The following COL11A1 variants were observed in gnomAD, a reference collection of about 807,000 sequenced individuals.
The protein encoded by COL11A1 is collagen type XI alpha 1 chain.
A neutral mutation model predicts 265.2 loss-of-function variants in COL11A1; 74 were observed. The observed-to-expected ratio is 0.28, with a 90% CI of 0.23 to 0.34. The LOEUF (loss-of-function observed/expected upper bound fraction) is 0.34, where lower values mean the gene tolerates loss of function less well. COL11A1 is among the 10% of genes least tolerant of loss of function. COL11A1 has a pLI of 1.00. For missense variants in COL11A1, 2,165 were observed against 2,263.6 expected, an observed-to-expected ratio of 0.96 and a Z score of 0.88; for synonymous variants, 816 against 727.6, an observed-to-expected ratio of 1.12 and a Z score of -1.96.
intron 54 of COL11A1, among the ~76,000 whole-genome samples, chr1:102,905,047 A>G (rs1400088979): frequency 3.9e-5 from 6 of 152,148 alleles, no homozygotes; most frequent in Admixed American, 2.6e-4. Context: ...GCAGCCATAA[A>G]AAATGATGAG....
rs776443673 is a variant in COL11A1 at position 102,890,453 on chromosome 1, T to G, written c.4354A>C (p.Lys1452Gln). The change falls in exon 58 of 67, where the codon AAG (lysine) becomes CAG (glutamine). Residue 1452 changes from lysine (K) to glutamine (Q), a missense_variant and splice_region_variant. Lys to Gln is a moderately conservative substitution (Grantham distance 53, BLOSUM62 1). Transcript: ENST00000370096. ...LKGDPGSKGE[K>Q]GHPGLIGLIG... ...ATAACACATTCTTTTATTCTCACCT[T>G]TTCACCCTTGGAGCCAGGGTCACCT... 6.2e-7 allele frequency: 1 copy of G among 1,608,486 alleles called. No homozygotes were observed. Among genetic ancestry groups the G allele is most frequent in the South Asian group, 1.1e-5 (1 of 90,366 alleles).
chr1:103,055,709 T>A (rs1207055398), intron 4 of COL11A1, among the ~76,000 whole-genome samples: 3 of 152,302 alleles, frequency 2.0e-5, no homozygotes, highest in African/African-American at 7.2e-5. Context: ...AACAAATTCA[T>A]AAACTTTCTT....
intron 36 of COL11A1, among the ~76,000 whole-genome samples, chr1:102,972,331 T>C (rs1168196955): frequency 6.6e-6 from 1 of 152,136 alleles, no homozygotes; most frequent in Non-Finnish European, 1.5e-5. Flanking sequence ...TCATATTTGC[T>C]GACATAGATA....
chr1:102,939,076 C>T lies in COL11A1; in HGVS notation c.3397G>A (p.Glu1133Lys). The change falls in exon 44 of 67, where the codon GAG (glutamate) becomes AAG (lysine). Residue 1133 changes from glutamate to lysine, a missense_variant. By Grantham distance (56) the Glu-to-Lys change is moderately conservative (BLOSUM62 1). Transcript: ENST00000370096. ...GEDGDKGEIG[E>K]PGQKGSKGDK... Reference sequence around the variant, plus strand: ...CCCTTGCTGCCTTTTTGTCCCGGCTCACCAATTTCACCCTGAAATTGAAAG... The same window carrying T: ...CCCTTGCTGCCTTTTTGTCCCGGCTTACCAATTTCACCCTGAAATTGAAAG... 6.2e-7 allele frequency: 1 copy of T among 1,613,670 alleles called. No individual in the cohort carries two copies. Among genetic ancestry groups the T allele is most frequent in the Non-Finnish European group, 8.5e-7 (1 of 1,179,784 alleles).
In COL11A1 at chr1:102,996,018, T is replaced by C. The variant is rs1190680048; in HGVS notation, c.2266A>G (p.Ile756Val). The change falls in exon 27 of 67, where the codon ATT becomes GTT. Residue 756 changes from isoleucine to valine, a missense_variant. Transcript: ENST00000370096. ...ALGPPGPQGP[I>V]GYPGPRGVKG... The stretch of plus-strand genomic sequence containing the variant: ...ACTCCCCGGGGGCCCGGGTATCCAA[T>C]AGGACCTTGTGGACCAGGGGGACCC... 4 of 1,613,190 alleles carry C rather than the reference T, an allele frequency of 2.5e-6. No homozygotes were observed. The highest frequency in any genetic ancestry group is 1.7e-5 in the Admixed American group (1 of 59,894).
intron 1 of COL11A1, among the ~76,000 whole-genome samples, chr1:103,096,472 G>A (rs1256561629): frequency 6.6e-6 from 1 of 151,956 alleles, no homozygotes; most frequent in African/African-American, 2.4e-5. Flanking sequence ...CAGGTTTCAG[G>A]AGAGGAGTTC....
At position 103,082,874 on chromosome 1, in the gene COL11A1, C is replaced by A. The variant is rs1244439112; in HGVS notation, c.205G>T (p.Gly69Cys). 1 of 1,613,630 alleles carries A rather than the reference C, an allele frequency of 6.2e-7. No individual in the cohort carries two copies. Among genetic ancestry groups the A allele is most frequent in the Non-Finnish European group, 8.5e-7 (1 of 1,179,718 alleles). ...GAAACTCTGTAAGCAGTATCTGAGC[C>A]TTTAGAATTCTTTCTGTTTGTGCAA... ...GFCTNRKNSK[G>C]SDTAYRVSKQ... Residue 69 changes from glycine to cysteine, a missense_variant, in exon 2 of 67, where the codon GGC becomes TGC. Transcript: ENST00000370096.
intron 41 of COL11A1, among the ~76,000 whole-genome samples, chr1:102,950,427 CCTT>C (rs1252259406): frequency 2.0e-5 from 3 of 152,126 alleles, no homozygotes; most frequent in Non-Finnish European, 4.4e-5. Context: ...TGCCTTCACT[CCTT>C]ATTTCAGAGT....
chr1:102,907,994 A>G (rs1291479352), intron 54 of COL11A1, among the ~76,000 whole-genome samples: 5 of 152,108 alleles, frequency 3.3e-5, no homozygotes, highest in African/African-American at 4.8e-5. Context: ...ATTTCCCTAA[A>G]GTGGCAGTGC....
intron 1 of COL11A1, among the ~76,000 whole-genome samples, chr1:103,102,995 A>G (rs997780724): frequency 3.3e-5 from 5 of 152,046 alleles, no homozygotes; most frequent in Non-Finnish European, 4.4e-5. Context: ...AACACAACAG[A>G]TATCATGGTA....
Position 102,962,157 on chromosome 1 carries a change from A to G in COL11A1, c.3114+19T>C. On this transcript the variant is annotated intron_variant, in intron 40 of 66. Transcript: ENST00000370096. ...ACAATTGGAATCACTTGCTTTATCT[A>G]TATAGATATTGATTATACCTGAGCT... is the stretch of plus-strand genomic sequence containing the variant. 1 of 1,572,314 alleles carries G rather than the reference A, an allele frequency of 6.4e-7. No homozygotes were observed. Among genetic ancestry groups the G allele is most frequent in the Non-Finnish European group, 8.8e-7 (1 of 1,142,142 alleles).
intron 62 of COL11A1, 101 bp downstream of exon 62, chr1:102,888,476 T>C: frequency 9.2e-7 from 1 of 1,084,472 alleles, no homozygotes; most frequent in Non-Finnish European, 1.4e-6. Flanking sequence ...TCAGCACTTT[T>C]GGCAGAATGT....
At position 103,103,932 on chromosome 1, in the gene COL11A1, T is replaced by C. The variant is rs560723310; in HGVS notation, c.106+4141A>G. 8.5e-5 allele frequency among the ~76,000 whole-genome samples: 13 copies of C among 152,176 alleles called. No individual in the cohort carries two copies. The South Asian group carries it at 2.7e-3, about 32-fold the overall frequency. On this transcript the variant is annotated intron_variant, in intron 1 of 66. Coordinates refer to ENST00000370096, the MANE Select transcript of COL11A1 (RefSeq NM_001854.4). Reference sequence around the variant, plus strand: ...TCATTCCATTGTCTCAGACTTCTATTATTTAAAATTCTTTTGATCACCATT... The same window carrying C: ...TCATTCCATTGTCTCAGACTTCTATCATTTAAAATTCTTTTGATCACCATT...
At chr1:102,973,989 C>T (rs1307753763) in intron 36 of COL11A1, among the ~76,000 whole-genome samples, 1 of 152,126 alleles carries the variant, frequency 6.6e-6, no homozygotes, top group Non-Finnish European at 1.5e-5. Context: ...TCAGAACTGT[C>T]TAGAGGGTGT....
At chr1:103,062,293 A>C (rs1196545712) in intron 4 of COL11A1, among the ~76,000 whole-genome samples, 1 of 151,988 alleles carries the variant, frequency 6.6e-6, no homozygotes, top group Non-Finnish European at 1.5e-5. Context: ...CTTTTTCAGA[A>C]TATAGAAGCG....
At chr1:103,107,964 T>C in intron 1 of COL11A1, 109 bp downstream of exon 1, 9 of 761,220 alleles carry the variant, frequency 1.2e-5, no homozygotes, top group Non-Finnish European at 2.0e-5. Flanking sequence ...GGAATTGCTT[T>C]TTTTTTTTTT....
At chr1:103,003,106 C>A (rs2101834946) in intron 21 of COL11A1, 109 bp downstream of exon 21, 1 of 1,088,306 alleles carries the variant, frequency 9.2e-7, no homozygotes, top group Non-Finnish European at 1.4e-6. Flanking sequence ...GATCTTCAAA[C>A]ATAACAAGGC....
rs1667461680 is a variant in COL11A1 at position 103,025,799 on chromosome 1, C to A, written c.898-186G>T. 1.2e-6 allele frequency: 2 copies of A among 1,612,918 alleles called. No homozygotes were observed. The highest frequency in any genetic ancestry group is 1.7e-6 in the Non-Finnish European group (2 of 1,179,900). ...GATCTTGATTGCTTTTTCTTCGCTACCTTTACCCCTAGTTTGGCTTTTGCT... is the reference window on the plus strand; with the variant it reads ...GATCTTGATTGCTTTTTCTTCGCTAACTTTACCCCTAGTTTGGCTTTTGCT... On this transcript the variant is annotated intron_variant, in intron 6 of 66. Coordinates refer to ENST00000370096, the MANE Select transcript of COL11A1 (RefSeq NM_001854.4).
At chr1:102,926,859 C>T (rs1656653347) in intron 46 of COL11A1, among the ~76,000 whole-genome samples, 1 of 152,082 alleles carries the variant, frequency 6.6e-6, no homozygotes, top group Non-Finnish European at 1.5e-5. Flanking sequence ...ATGCTTCACA[C>T]ACATATTGAT....
Sources: allele counts gnomAD v4.1 joint callset (sites outside exome capture counted in the v4.1 genomes callset), GRCh38; gene constraint gnomAD v4.1.1; transcripts MANE v1.5; gene names NCBI Gene and HGNC (gene_info 2026-07-23, HGNC 2026-07-21).